Variants in CALM2 observed in about 807,000 individuals in gnomAD.
CALM2 encodes the protein calmodulin-2.
In CALM2, 2 loss-of-function variants were observed where a neutral mutation model predicts 19.8. The observed-to-expected ratio is 0.10, with a 90% CI of 0.04 to 0.32. The LOEUF is 0.32. Among genes scored for constraint, CALM2 ranks in the 10% least tolerant of loss-of-function variants. CALM2 has a pLI of 1.00. For missense variants in CALM2, 38 were observed against 178.7 expected (o/e 0.21, Z 4.49); for synonymous variants, 51 against 52.1 (o/e 0.98, Z 0.09).
intron 2 of CALM2, among the ~76,000 whole-genome samples, chr2:47,168,337 A>G (rs1666555700): frequency 6.6e-6 from 1 of 152,148 alleles, no homozygotes; most frequent in Non-Finnish European, 1.5e-5. Flanking sequence ...CCCATTGGAA[A>G]CCTAATTTTA....
chr2:47,162,171 CAAAAAAAAAAA>C (rs56839340), intron 4 of CALM2, 104 bp downstream of exon 4: 46 of 130,128 alleles, frequency 3.5e-4, no homozygotes, highest in South Asian at 1.8e-3. Context: ...GGTAAATCAT[CAAAAAAAAAAA>C]AAAAAAAAAA....
intron 5 of CALM2, 46 bp from the exon 6 acceptor site, chr2:47,160,850 CAAAAA>C (rs55773607): frequency 0.09 from 32,632 of 362,900 alleles, 25 homozygotes; most frequent in Middle Eastern, 0.12. Context: ...AGCAAAAGAC[CAAAAA>C]AAAAAAAAAA....
rs762643964 is a variant in CALM2, at chr2:47,162,266, A to G, written c.285+20T>C. 1.4e-6 allele frequency: 2 copies of G among 1,397,212 alleles called. No individual in the cohort carries two copies. The highest frequency in any genetic ancestry group is 2.0e-6 in the Non-Finnish European group (2 of 1,015,338). The allele number at this position is 1,397,212 out of a possible 1,614,324, so 86.6% of individuals were successfully genotyped here. On this transcript the variant is annotated intron_variant, in intron 4 of 5. Coordinates refer to ENST00000272298, the MANE Select transcript of CALM2 (RefSeq NM_001743.6). ...CTTCATTTCATCCTCAAAATTTAAC[A>G]TATCCAGTCCTTGACGTACCTTATC...
intron 2 of CALM2, among the ~76,000 whole-genome samples, chr2:47,164,521 C>T (rs372393319): frequency 6.6e-6 from 1 of 150,890 alleles, no homozygotes; most frequent in Non-Finnish European, 1.5e-5. Flanking sequence ...TGCTTGAACC[C>T]GAGAGGCGGA....
At chr2:47,173,198 T>A (rs1008075730) in intron 1 of CALM2, 1 of 152,216 alleles carries the variant, frequency 6.6e-6, no homozygotes, top group East Asian at 1.9e-4. Context: ...TTCCTAGCAC[T>A]AACTTTCCCA....
At chr2:47,176,184 C>T (rs1387067785) in intron 1 of CALM2, 4 of 518,570 alleles carry the variant, frequency 7.7e-6, no homozygotes, top group African/African-American at 5.8e-5. Flanking sequence ...TCCAGCCAAG[C>T]CCCCGAGGAG....
chr2:47,169,807 C>G (rs918972234), intron 2 of CALM2, among the ~76,000 whole-genome samples: 1 of 152,044 alleles, frequency 6.6e-6, no homozygotes, highest in African/African-American at 2.4e-5. Flanking sequence ...TCAGTTTTCT[C>G]CAGCCTAAGA....
chr2:47,168,783 CTTTTT>C (rs11291626), intron 2 of CALM2, among the ~76,000 whole-genome samples: 1 of 149,260 alleles, frequency 6.7e-6, no homozygotes, highest in African/African-American at 2.5e-5. Context: ...TAGACACAAA[CTTTTT>C]TTTTTTTGAG....
chr2:47,167,672 C>A (rs1666521077), intron 2 of CALM2: 1 of 92,734 alleles, frequency 1.1e-5, no homozygotes, highest in Non-Finnish European at 2.0e-5. Flanking sequence ...CCAGCCTGGG[C>A]AAGAGAGTGA....
At chr2:47,176,003 C>A (rs932765446) in intron 1 of CALM2, among the ~76,000 whole-genome samples, 4 of 152,136 alleles carry the variant, frequency 2.6e-5, no homozygotes, top group African/African-American at 7.2e-5. Context: ...CGCAAGCGGA[C>A]AAAGGCGCTT....
At position 47,162,770 on chromosome 2, in the gene CALM2, T is replaced by C. The variant is rs1687195629; in HGVS notation, c.35-108A>G. On this transcript the variant is annotated intron_variant, in intron 2 of 5. Coordinates refer to ENST00000272298, the MANE Select transcript of CALM2 (RefSeq NM_001743.6). ...CTACTCAGTGGTGGGATCGTGCCAG[T>C]GAACAGCCACTGCACTTCAGCCTGG... 5.4e-6 allele frequency: 5 copies of C among 929,218 alleles called. No individual in the cohort carries two copies. The South Asian group carries it at 5.7e-5, about 11-fold the overall frequency. 57.6% of individuals were successfully genotyped at this position (929,218 alleles called of 1,614,324 possible). A position where few individuals can be genotyped will look rare whatever the true frequency, so the allele number is the denominator to read the frequency against.
Position 47,162,370 on chromosome 2 carries a change from A to T in CALM2, c.201T>A (p.Pro67=). 6.2e-7 allele frequency: 1 copy of T among 1,611,544 alleles called. No homozygotes were observed. The highest frequency in any genetic ancestry group is 2.2e-5 in the East Asian group (1 of 44,848). The change falls in exon 4 of 6, where the codon CCT becomes CCA. Residue 67 remains proline, a synonymous_variant. Coordinates refer to ENST00000272298, the MANE Select transcript of CALM2 (RefSeq NM_001743.6). ...TTCTTGCCATCATTGTCAGAAATTC[A>T]GGGAAGTCAATTGTGCCATTACCTG... The part of the protein sequence containing the change: ...DADGNGTIDF[P]EFLTMMARKM...
intron 1 of CALM2, chr2:47,171,588 A>AAT (rs1666669868): frequency 6.6e-6 from 1 of 152,238 alleles, no homozygotes; most frequent in African/African-American, 2.4e-5. Context: ...AGAGCACCGT[A>AAT]ATATATAAAG....
rs527802750 is a variant in CALM2 at position 47,166,729 on chromosome 2, T to TG, written c.34+4004_34+4005insC. Reference sequence around the variant, plus strand: ...CTGTACTTCAGAACTAGCGTAATCTTTATGTATAGAAGCATATAATTCTAA... The same window carrying TG: ...CTGTACTTCAGAACTAGCGTAATCTTGTATGTATAGAAGCATATAATTCTAA... On this transcript the variant is annotated intron_variant, in intron 2 of 5. Coordinates refer to ENST00000272298, the MANE Select transcript of CALM2 (RefSeq NM_001743.6). Among the ~76,000 whole-genome samples, 43 of 152,330 alleles carry TG rather than the reference T, an allele frequency of 2.8e-4. 1 individual carries two copies. The South Asian group carries it at 8.7e-3, about 31-fold the overall frequency.
intron 2 of CALM2, among the ~76,000 whole-genome samples, chr2:47,167,862 G>C (rs1408732304): frequency 8.1e-6 from 1 of 123,616 alleles, no homozygotes; most frequent in Non-Finnish European, 1.6e-5. Context: ...TTGAACTCCT[G>C]GGCTCAAGCA....
At chr2:47,164,801 T>C (rs966724483) in intron 2 of CALM2, among the ~76,000 whole-genome samples, 6 of 152,198 alleles carry the variant, frequency 3.9e-5, no homozygotes, top group African/African-American at 1.4e-4. Context: ...TGAAAATTTA[T>C]GTGACACATG....
At chr2:47,175,888 G>C in intron 1 of CALM2, among the ~76,000 whole-genome samples, 1 of 148,578 alleles carries the variant, frequency 6.7e-6, no homozygotes, top group African/African-American at 2.4e-5. Context: ...CCGCCCGCCC[G>C]CGCGCCCCCT....
At chr2:47,172,439 G>C (rs1045826328) in intron 1 of CALM2, 19 of 907,868 alleles carry the variant, frequency 2.1e-5, no homozygotes, top group Non-Finnish European at 3.0e-5. Context: ...TGCAAAGTGA[G>C]ATGCTATGTA....
chr2:47,176,104 C>T (rs1573235309), intron 1 of CALM2: 2 of 348,976 alleles, frequency 5.7e-6, no homozygotes, highest in African/African-American at 2.1e-5. Context: ...CTCTACGCTC[C>T]CTCTCTCCCT....
Sources: allele counts gnomAD v4.1 joint callset (sites outside exome capture counted in the v4.1 genomes callset), GRCh38; gene constraint gnomAD v4.1.1; transcripts MANE v1.5; gene names NCBI Gene and HGNC (gene_info 2026-07-23, HGNC 2026-07-21).